Variants in CCDC7 observed in about 807,000 individuals in gnomAD.
CCDC7 encodes coiled-coil domain-containing protein 7.
CCDC7 carries 183 observed loss-of-function variants against 196.9 expected under a neutral mutation model. The observed-to-expected ratio is 0.93, with a 90% CI of 0.82 to 1.05. CCDC7 has a LOEUF of 1.05. Among genes scored for constraint, CCDC7 ranks in the 50% least tolerant of loss-of-function variants. The pLI is 0.00. For missense variants in CCDC7, 1,540 were observed against 1,482.2 expected (o/e 1.04, Z -0.64); for synonymous variants, 525 against 484.6 (o/e 1.08, Z -1.10).
At chr10:32,672,830 A>G (rs766161030) in intron 21 of CCDC7, among the ~76,000 whole-genome samples, 1 of 152,154 alleles carries the variant, frequency 6.6e-6, no homozygotes. Context: ...TAATGTGCCC[A>G]TGACACCTCT....
chr10:32,863,082 A>G (rs1282304424), intron 41 of CCDC7, among the ~76,000 whole-genome samples: 1 of 152,068 alleles, frequency 6.6e-6, no homozygotes, highest in Non-Finnish European at 1.5e-5. Context: ...ACTCAAAGCA[A>G]TAATACAGAC....
chr10:32,820,839 GT>G (rs2090021521), intron 31 of CCDC7, among the ~76,000 whole-genome samples: 1 of 152,228 alleles, frequency 6.6e-6, no homozygotes, highest in Non-Finnish European at 1.5e-5. Context: ...AGACTTAAAT[GT>G]TAGACCTAAA....
intron 28 of CCDC7, among the ~76,000 whole-genome samples, chr10:32,739,742 G>A (rs2085495781): frequency 6.6e-6 from 1 of 151,688 alleles, no homozygotes; most frequent in Non-Finnish European, 1.5e-5. Flanking sequence ...AGGAACTGAG[G>A]TATGTAAGCA....
At chr10:32,797,099 C>T (rs1241075959) in intron 29 of CCDC7, among the ~76,000 whole-genome samples, 2 of 151,562 alleles carry the variant, frequency 1.3e-5, no homozygotes, top group African/African-American at 4.9e-5. Flanking sequence ...TTCACAATTG[C>T]AAAAATGTGG....
intron 29 of CCDC7, among the ~76,000 whole-genome samples, chr10:32,797,622 T>C (rs2083881786): frequency 6.6e-6 from 1 of 151,964 alleles, no homozygotes; most frequent in Admixed American, 6.6e-5. Context: ...AAAGAACTTA[T>C]ATAACCAACA....
At chr10:32,760,096 C>G (rs1292001094) in intron 28 of CCDC7, among the ~76,000 whole-genome samples, 1 of 152,110 alleles carries the variant, frequency 6.6e-6, no homozygotes, top group Non-Finnish European at 1.5e-5. Flanking sequence ...CAGCAAACAA[C>G]AGGTGCTAGA....
chr10:32,880,202 C>T (rs574209367), downstream of CCDC7, among the ~76,000 whole-genome samples: 43 of 152,204 alleles, frequency 2.8e-4, no homozygotes, highest in African/African-American at 1.0e-3. Flanking sequence ...TCCATAGCAT[C>T]GCCAGCATCT....
intron 11 of CCDC7, among the ~76,000 whole-genome samples, chr10:32,531,812 T>C (rs1296767870): frequency 6.6e-6 from 1 of 152,208 alleles, no homozygotes; most frequent in Non-Finnish European, 1.5e-5. Context: ...TATCTATTTC[T>C]TCTAGGTATT....
At chr10:32,670,674 G>A (rs1049486024) in intron 21 of CCDC7, among the ~76,000 whole-genome samples, 1 of 151,710 alleles carries the variant, frequency 6.6e-6, no homozygotes, top group Non-Finnish European at 1.5e-5. Context: ...AGTTTACTGA[G>A]AATGATGATT....
Position 32,535,431 on chromosome 10 carries a change from C to T in CCDC7, c.994-7869C>T, listed in dbSNP as rs1346588755. 3.3e-5 allele frequency among the ~76,000 whole-genome samples: 5 copies of T among 152,106 alleles called. No individual in the cohort carries two copies. The East Asian group carries it at 9.6e-4, about 29-fold the overall frequency. On this transcript the variant is annotated intron_variant, in intron 11 of 41. Coordinates refer to ENST00000639629, the Ensembl canonical transcript of CCDC7. ...TACATTTTAGGGAGACATAAGACAT[C>T]AATCAATACATGTGAAGTATACATT...
intron 9 of CCDC7, among the ~76,000 whole-genome samples, chr10:32,506,076 CG>C (rs1176051305): frequency 7.0e-6 from 1 of 143,814 alleles, no homozygotes; most frequent in Non-Finnish European, 1.5e-5. Flanking sequence ...GGGTGGCGGC[CG>C]GGCAGAGGTG....
chr10:32,634,824 A>G (rs1304828685), intron 19 of CCDC7, among the ~76,000 whole-genome samples: 1 of 152,238 alleles, frequency 6.6e-6, no homozygotes, highest in African/African-American at 2.4e-5. Flanking sequence ...AGAGAACTAA[A>G]GTGAAAGCTT....
chr10:32,646,083 C>CTT (rs150433749), intron 20 of CCDC7, among the ~76,000 whole-genome samples: 4 of 136,102 alleles, frequency 2.9e-5, no homozygotes, highest in South Asian at 4.6e-4. Flanking sequence ...TCGGATTGTT[C>CTT]TTTTTTTTTT....
Position 32,453,341 on chromosome 10 carries a change from C to A in CCDC7, c.280-3C>A. 1 of 1,478,714 alleles carries A rather than the reference C, an allele frequency of 6.8e-7. No individual in the cohort carries two copies. Among genetic ancestry groups the A allele is most frequent in the Non-Finnish European group, 9.0e-7 (1 of 1,116,808 alleles). The allele number at this position is 1,478,714 out of a possible 1,614,324, so 91.6% of individuals were successfully genotyped here. A position where few individuals can be genotyped will look rare whatever the true frequency, so the allele number is the denominator to read the frequency against. ...CTAATTGGCTTTTATTTTTTTTTTA[C>A]AGGTTGTTTCCACTTTGGAAGAAAC... On this transcript the variant is annotated splice_region_variant and splice_polypyrimidine_tract_variant and intron_variant, in intron 1 of 41. Transcript: ENST00000639629.
intron 41 of CCDC7, among the ~76,000 whole-genome samples, chr10:32,854,843 C>T (rs1279495636): frequency 1.3e-5 from 2 of 152,056 alleles, no homozygotes; most frequent in African/African-American, 2.4e-5. Context: ...ATTTTATCAT[C>T]GTTTTTTGCC....
chr10:32,882,805 T>A (rs2094836940), exon 23 of CCDC7: 1 of 152,196 alleles, frequency 6.6e-6, no homozygotes, highest in Admixed American at 6.5e-5. Flanking sequence ...TATTCGCCAG[T>A]GTCCCTGTAA....
At chr10:32,770,075 G>A (rs964222223) in intron 28 of CCDC7, among the ~76,000 whole-genome samples, 1 of 152,114 alleles carries the variant, frequency 6.6e-6, no homozygotes, top group African/African-American at 2.4e-5. Context: ...CACAATGGTT[G>A]AACTAATTTA....
At chr10:32,701,848 G>T (rs959778837) in intron 24 of CCDC7, among the ~76,000 whole-genome samples, 30 of 152,082 alleles carry the variant, frequency 2.0e-4, no homozygotes, top group African/African-American at 7.0e-4. Context: ...GTATTTCTGT[G>T]GGATCGGTGG....
At chr10:32,625,146 T>C (rs2063860524) in intron 18 of CCDC7, among the ~76,000 whole-genome samples, 1 of 151,768 alleles carries the variant, frequency 6.6e-6, no homozygotes, top group Admixed American at 6.6e-5. Context: ...CGTTTTATGG[T>C]ATTATGCTTA....
Sources: allele counts gnomAD v4.1 joint callset (sites outside exome capture counted in the v4.1 genomes callset), GRCh38; gene constraint gnomAD v4.1.1; transcripts MANE v1.5; gene names NCBI Gene and HGNC (gene_info 2026-07-23, HGNC 2026-07-21).